CLASP1: variants seen among roughly 807,000 people sequenced by gnomAD.
CLASP1 encodes CLIP-associating protein 1.
Under a neutral mutation model 192.3 loss-of-function variants are expected in CLASP1, and 38 were observed. That is an observed-to-expected ratio of 0.20 (90% confidence interval 0.15 to 0.26). The LOEUF is 0.26. Among genes scored for constraint, CLASP1 ranks in the 10% least tolerant of loss-of-function variants. The pLI is 1.00. For synonymous variants in CLASP1, 691 were observed against 712.8 expected (o/e 0.97, Z 0.49); for missense variants, 1,433 against 1,932.5 (o/e 0.74, Z 4.85).
chr2:121,490,710 G>T (rs2093257949), intron 8 of CLASP1, among the ~76,000 whole-genome samples: 1 of 152,202 alleles, frequency 6.6e-6, no homozygotes, highest in Non-Finnish European at 1.5e-5. Context: ...ATCAGAAGCA[G>T]TCTCTTCCAG....
At chr2:121,460,227 T>C (rs1242401130) in intron 11 of CLASP1, 102 bp from the exon 12 acceptor site, 4 of 926,834 alleles carry the variant, frequency 4.3e-6, no homozygotes, top group Non-Finnish European at 6.3e-6. Context: ...TTGTTAAAGT[T>C]CAACTGATTA....
chr2:121,611,154 G>A (rs555769416), intron 1 of CLASP1, among the ~76,000 whole-genome samples: 52 of 142,856 alleles, frequency 3.6e-4, no homozygotes, highest in African/African-American at 1.1e-3. Flanking sequence ...AGGAACTGGA[G>A]GAGGAGGAGT....
rs999275566 is a variant in CLASP1, at chr2:121,445,551, C to T, written c.1912+1786G>A. The T allele has an allele frequency of 3.0e-6, 3 of 1,003,054 alleles. No homozygotes were observed. In the Admixed American group the frequency reaches 7.0e-5, roughly 24 times the overall value. The allele number at this position is 1,003,054 out of a possible 1,614,324, so 62.1% of individuals were successfully genotyped here. A position where few individuals can be genotyped will look rare whatever the true frequency, so the allele number is the denominator to read the frequency against. On this transcript the variant is annotated intron_variant, in intron 19 of 39. Transcript: ENST00000263710. ...TAATGCTACACTTTTGCAAAGATGTCATGTGTCAACCTAGGTAGCAACTGT... is the reference window on the plus strand; with the variant it reads ...TAATGCTACACTTTTGCAAAGATGTTATGTGTCAACCTAGGTAGCAACTGT...
At chr2:121,445,784 G>A (rs950896787) in intron 19 of CLASP1, among the ~76,000 whole-genome samples, 1 of 152,136 alleles carries the variant, frequency 6.6e-6, no homozygotes, top group South Asian at 2.1e-4. Flanking sequence ...AAAGACGTGA[G>A]GGCTTTTACT....
intron 2 of CLASP1, among the ~76,000 whole-genome samples, chr2:121,586,979 A>G (rs1171496629): frequency 6.6e-6 from 1 of 152,174 alleles, no homozygotes; most frequent in Non-Finnish European, 1.5e-5. Flanking sequence ...ACAGTGGCTC[A>G]CACCTGTAAT....
At chr2:121,485,856 C>T (rs981192181) in intron 8 of CLASP1, among the ~76,000 whole-genome samples, 32 of 152,166 alleles carry the variant, frequency 2.1e-4, no homozygotes, top group African/African-American at 7.5e-4. Context: ...GCAGGCTGCT[C>T]GTAATTCAGA....
intron 2 of CLASP1, among the ~76,000 whole-genome samples, chr2:121,597,206 A>G (rs1244347958): frequency 6.6e-6 from 1 of 152,222 alleles, no homozygotes; most frequent in Non-Finnish European, 1.5e-5. Flanking sequence ...TAATTTTTTG[A>G]GCATCAGTCT....
intron 36 of CLASP1, chr2:121,364,864 T>C (rs1393587666): frequency 3.6e-6 from 2 of 556,384 alleles, no homozygotes; most frequent in Non-Finnish European, 6.5e-6. Flanking sequence ...TCAACTACTA[T>C]AAACCCAGTT....
rs775281777 is a variant in CLASP1, at chr2:121,470,008, T to A, written c.713-48A>T. ...AACGTTTTTTTAAAAACAAAAACTA[T>A]ATATACATATATATATACTTTTTCA... On this transcript the variant is annotated intron_variant, in intron 8 of 39. Coordinates refer to ENST00000263710, the Ensembl canonical transcript of CLASP1. The A allele has an allele frequency of 3.8e-6, 5 of 1,306,142 alleles. No homozygotes were observed. In the African/African-American group the frequency reaches 4.6e-5, roughly 12 times the overall value. 80.9% of individuals were successfully genotyped at this position (1,306,142 alleles called of 1,614,324 possible).
intron 2 of CLASP1, among the ~76,000 whole-genome samples, chr2:121,581,343 C>T (rs933825056): frequency 7.3e-6 from 1 of 137,514 alleles, no homozygotes; most frequent in African/African-American, 2.8e-5. Context: ...GGCGCAATCT[C>T]GGCTCACTGC....
intron 2 of CLASP1, among the ~76,000 whole-genome samples, chr2:121,577,755 A>G (rs2060667666): frequency 6.6e-6 from 1 of 152,222 alleles, no homozygotes; most frequent in Non-Finnish European, 1.5e-5. Context: ...AATTATCACA[A>G]GATCTGGCAT....
At chr2:121,572,492 T>A (rs1167235349) in intron 2 of CLASP1, among the ~76,000 whole-genome samples, 1 of 152,100 alleles carries the variant, frequency 6.6e-6, no homozygotes, top group African/African-American at 2.4e-5. Context: ...CACACATTCT[T>A]AAGGGTGGGG....
chr2:121,531,116 T>A (rs982955359), intron 2 of CLASP1: 1 of 636,588 alleles, frequency 1.6e-6, no homozygotes, highest in Non-Finnish European at 2.9e-6. Flanking sequence ...GTGGTTTTAG[T>A]GTCGCAAGTA....
At chr2:121,536,525 G>A (rs1046525289) in intron 2 of CLASP1, among the ~76,000 whole-genome samples, 2 of 152,056 alleles carry the variant, frequency 1.3e-5, no homozygotes, top group African/African-American at 2.4e-5. Context: ...ATTATCTACA[G>A]GAGTAAAAAG....
At chr2:121,529,862 T>C (rs994628868) in intron 3 of CLASP1, among the ~76,000 whole-genome samples, 1 of 152,218 alleles carries the variant, frequency 6.6e-6, no homozygotes, top group South Asian at 2.1e-4. Flanking sequence ...TATGACTTGG[T>C]TGGCACTAAA....
At chr2:121,387,856 A>C in exon 31 of CLASP1, 1 of 1,612,704 alleles carries the variant, frequency 6.2e-7, no homozygotes, top group Non-Finnish European at 8.5e-7. Flanking sequence ...GTAACATGGT[A>C]AATTCAGGAG....
chr2:121,464,753 T>C lies in CLASP1; in HGVS notation c.866-2148A>G, dbSNP rs377088387. Among the ~76,000 whole-genome samples, 25 of 152,298 alleles carry C rather than the reference T, an allele frequency of 1.6e-4. No homozygotes were observed. In the East Asian group the frequency reaches 3.3e-3, roughly 20 times the overall value. On this transcript the variant is annotated intron_variant, in intron 9 of 39. Transcript: ENST00000263710. Reference sequence around the variant, plus strand: ...TTGTAGATTCTGGATATTAGCCCTTTGTCAGATGAGTAGGTTGCGAAAATT... The same window carrying C: ...TTGTAGATTCTGGATATTAGCCCTTCGTCAGATGAGTAGGTTGCGAAAATT...
At chr2:121,590,584 G>A (rs1187246935) in intron 2 of CLASP1, among the ~76,000 whole-genome samples, 5 of 151,934 alleles carry the variant, frequency 3.3e-5, no homozygotes, top group Admixed American at 6.6e-5. Context: ...AATTATCTCA[G>A]GGCAAAAGAC....
At chr2:121,452,630 A>C (rs2085733345) in intron 14 of CLASP1, among the ~76,000 whole-genome samples, 1 of 152,098 alleles carries the variant, frequency 6.6e-6, no homozygotes, top group Non-Finnish European at 1.5e-5. Context: ...ATCTCTACTA[A>C]AAATACAAAA....
Sources: allele counts gnomAD v4.1 joint callset (sites outside exome capture counted in the v4.1 genomes callset), GRCh38; gene constraint gnomAD v4.1.1; transcripts MANE v1.5; gene names NCBI Gene and HGNC (gene_info 2026-07-23, HGNC 2026-07-21).